Variants in TAMALIN observed in about 807,000 individuals in gnomAD.
The protein encoded by TAMALIN is protein TAMALIN.
Under a neutral mutation model 38.5 loss-of-function variants are expected in TAMALIN, and 9 were observed. The ratio of observed to expected loss-of-function variants is 0.23; its 90% CI spans 0.14 to 0.41. The LOEUF is 0.41. TAMALIN is among the 10% of genes least tolerant of loss of function. TAMALIN has a pLI of 1.00. For missense variants in TAMALIN, 548 were observed against 554.1 expected (o/e 0.99, Z 0.11); for synonymous variants, 306 against 256.5 (o/e 1.19, Z -1.85).
chr12:52,014,721 A>G lies in TAMALIN; in HGVS notation c.710A>G (p.Tyr237Cys). The G allele has an allele frequency of 6.6e-7, 1 of 1,518,194 alleles. No homozygotes were observed. Among genetic ancestry groups the G allele is most frequent in the East Asian group, 2.5e-5 (1 of 40,524 alleles). The allele number at this position is 1,518,194 out of a possible 1,614,324, so 94.0% of individuals were successfully genotyped here. Residue 237 changes from tyrosine (Y) to cysteine (C), a missense_variant, in exon 8 of 8, where the codon TAC (tyrosine) becomes TGC (cysteine). Tyr to Cys is a radical substitution (Grantham distance 194, BLOSUM62 -2). Transcript: ENST00000293662. ...HGLVVKDPSI[Y>C]DTLESVRSCL... The stretch of plus-strand genomic sequence containing the variant: ...CTGGTGGTGAAGGACCCCAGCATCT[A>G]CGACACGCTGGAGTCGGTGCGCTCC...
chr12:52,008,427 C>G lies in TAMALIN; in HGVS notation c.247-763C>G, dbSNP rs147967124. 8 of 985,234 alleles carry G rather than the reference C, an allele frequency of 8.1e-6. No individual in the cohort carries two copies. The East Asian group carries it at 6.8e-4, about 84-fold the overall frequency. 61.0% of individuals were successfully genotyped at this position (985,234 alleles called of 1,614,324 possible). On this transcript the variant is annotated intron_variant, in intron 1 of 7. Coordinates refer to ENST00000293662, the MANE Select transcript of TAMALIN (RefSeq NM_181711.4). Reference sequence around the variant, plus strand: ...TCCTCCACACCCCCCACCACCACCCCTAAAGAACTCCCAGTCTCGGTCCTT... The same window carrying G: ...TCCTCCACACCCCCCACCACCACCCGTAAAGAACTCCCAGTCTCGGTCCTT...
At chr12:52,008,147 C>T (rs1356893039) in intron 1 of TAMALIN, 3 of 985,334 alleles carry the variant, frequency 3.0e-6, no homozygotes, top group Non-Finnish European at 3.6e-6. Context: ...CCCAGTCCTT[C>T]CTCCCTGGCC....
Position 52,007,298 on chromosome 12 carries a change from A to T in TAMALIN, c.246+33A>T. The T allele has an allele frequency of 7.2e-7, 1 of 1,391,660 alleles. No individual in the cohort carries two copies. Among genetic ancestry groups the T allele is most frequent in the Middle Eastern group, 1.9e-4 (1 of 5,182 alleles). 86.2% of individuals were successfully genotyped at this position (1,391,660 alleles called of 1,614,324 possible). A position where few individuals can be genotyped will look rare whatever the true frequency, so the allele number is the denominator to read the frequency against. ...CCCCGCCCGCCTTCAGGATCTGCTC[A>T]GCCCCTCTCCGACTCCCTACAGGGC... On this transcript the variant is annotated intron_variant, in intron 1 of 7. Transcript: ENST00000293662. The surrounding 1 kb of genome is among the most constrained non-coding windows in gnomAD (Gnocchi z 6.7).
At chr12:52,009,728 G>A (rs765151361) in intron 2 of TAMALIN, among the ~76,000 whole-genome samples, 12 of 152,206 alleles carry the variant, frequency 7.9e-5, no homozygotes, top group Non-Finnish European at 1.3e-4. Context: ...GGATCTGAGC[G>A]TGGGCAGAAG....
intron 5 of TAMALIN, 26 bp downstream of exon 5, chr12:52,013,806 A>C (rs1937718689): frequency 6.2e-7 from 1 of 1,612,858 alleles, no homozygotes; most frequent in African/African-American, 1.3e-5. Context: ...GAGGTGCCTG[A>C]ATTCCTGAGC....
intron 1 of TAMALIN, chr12:52,008,459 G>C: frequency 1.0e-6 from 1 of 983,880 alleles, no homozygotes; most frequent in Non-Finnish European, 1.2e-6. Context: ...CCTTTAGTGA[G>C]ACTTGCTGAC....
intron 2 of TAMALIN, 39 bp downstream of exon 2, chr12:52,009,278 G>C (rs769685826): frequency 2.5e-6 from 4 of 1,603,054 alleles, no homozygotes; most frequent in Admixed American, 3.3e-5. Flanking sequence ...TGGTCCAAAG[G>C]GGTGAGGTGC....
Position 52,008,858 on chromosome 12 carries a change from C to T in TAMALIN, c.247-332C>T, listed in dbSNP as rs181850788. The T allele has an allele frequency of 8.1e-5, 52 of 641,816 alleles. No homozygotes were observed. The Admixed American group carries it at 2.3e-3, about 29-fold the overall frequency. 39.8% of individuals were successfully genotyped at this position (641,816 alleles called of 1,614,324 possible). On this transcript the variant is annotated intron_variant, in intron 1 of 7. Transcript: ENST00000293662. ...TGGCCTGAGCCTCTACAGACATGGG[C>T]CCTAGGGGTGGAGACCATTTTAGAA... is the stretch of plus-strand genomic sequence containing the variant.
chr12:52,012,544 G>T (rs1156987534), intron 4 of TAMALIN, among the ~76,000 whole-genome samples: 1 of 152,170 alleles, frequency 6.6e-6, no homozygotes, highest in Non-Finnish European at 1.5e-5. Flanking sequence ...GTGAGCCACG[G>T]CGCTCGGCCC....
intron 4 of TAMALIN, among the ~76,000 whole-genome samples, chr12:52,012,874 C>T (rs1168162889): frequency 6.6e-6 from 1 of 152,180 alleles, no homozygotes; most frequent in Non-Finnish European, 1.5e-5. Flanking sequence ...GCTTCTCTCC[C>T]ACCACCAGAG....
Position 52,014,971 on chromosome 12 carries a change from G to A in TAMALIN, c.960G>A (p.Pro320=), listed in dbSNP as rs1461424882. ...PGPAETPAVG[P]GPGPRAALSR... ...CCGCCGAGACCCCTGCCGTGGGGCC[G>A]GGCCCTGGGCCGCGGGCCGCGCTGA... Residue 320 remains proline (P), a synonymous_variant, in exon 8 of 8, where the codon CCG becomes CCA. Coordinates refer to ENST00000293662, the MANE Select transcript of TAMALIN (RefSeq NM_181711.4). The A allele has an allele frequency of 2.1e-6, 2 of 969,932 alleles. No homozygotes were observed. Among genetic ancestry groups the A allele is most frequent in the Non-Finnish European group, 2.4e-6 (2 of 817,088 alleles). The allele number at this position is 969,932 out of a possible 1,614,324, so 60.1% of individuals were successfully genotyped here. A position where few individuals can be genotyped will look rare whatever the true frequency, so the allele number is the denominator to read the frequency against.
Position 52,015,190 on chromosome 12 carries a change from C to T in TAMALIN, c.1179C>T (p.Ser393=). The T allele has an allele frequency of 1.3e-6, 2 of 1,589,572 alleles. No homozygotes were observed. The highest frequency in any genetic ancestry group is 1.7e-6 in the Non-Finnish European group (2 of 1,176,128). ...GLNRSLEEEE[S]QL is the part of the protein sequence containing the mutation. ...ACCGCTCCCTGGAGGAGGAGGAGAG[C>T]CAGCTGTAGGGGCGGGGGCGGGCAG... The change falls in exon 8 of 8, where the codon AGC becomes AGT. Residue 393 remains serine (S), a synonymous_variant. Transcript: ENST00000293662.
At position 52,015,305 on chromosome 12, in the gene TAMALIN, G is replaced by C. The variant is rs1937783719; in HGVS notation, c.*106G>C. On this transcript the variant is annotated 3_prime_UTR_variant, in exon 8 of 8. Coordinates refer to ENST00000293662, the MANE Select transcript of TAMALIN (RefSeq NM_181711.4). ...ACCCCAGGAGCCCAGAGCAGCGGGA[G>C]AGGGTCCTTCCTAGCCTCGGCCCGC... 2 of 1,331,484 alleles carry C rather than the reference G, an allele frequency of 1.5e-6. No homozygotes were observed. The highest frequency in any genetic ancestry group is 2.0e-6 in the Non-Finnish European group (2 of 1,017,066). 82.5% of individuals were successfully genotyped at this position (1,331,484 alleles called of 1,614,324 possible).
At position 52,015,133 on chromosome 12, in the gene TAMALIN, C is replaced by A. The variant is rs1376269599; in HGVS notation, c.1122C>A (p.Arg374=). ...GLRKTKYRSF[R]RRLLKFIPGL... ...GCAAAACCAAGTACCGCAGCTTCCGCCGGCGGCTGCTCAAGTTCATCCCCG... is the reference window on the plus strand; with the variant it reads ...GCAAAACCAAGTACCGCAGCTTCCGACGGCGGCTGCTCAAGTTCATCCCCG... Residue 374 remains arginine (R), a synonymous_variant, in exon 8 of 8, where the codon CGC becomes CGA. Coordinates refer to ENST00000293662, the MANE Select transcript of TAMALIN (RefSeq NM_181711.4). 4.4e-6 allele frequency: 7 copies of A among 1,591,576 alleles called. No individual in the cohort carries two copies. Among genetic ancestry groups the A allele is most frequent in the Non-Finnish European group, 5.9e-6 (7 of 1,177,138 alleles).
Position 52,015,172 on chromosome 12 carries a change from C to A in TAMALIN, c.1161C>A (p.Ser387=). ...LLKFIPGLNR[S]LEEEESQL ...AGTTCATCCCCGGACTCAACCGCTC[C>A]CTGGAGGAGGAGGAGAGCCAGCTGT... The change falls in exon 8 of 8, where the codon TCC becomes TCA. Residue 387 remains serine, a synonymous_variant. Coordinates refer to ENST00000293662, the MANE Select transcript of TAMALIN (RefSeq NM_181711.4). 8 of 1,593,308 alleles carry A rather than the reference C, an allele frequency of 5.0e-6. No homozygotes were observed. The highest frequency in any genetic ancestry group is 6.8e-6 in the Non-Finnish European group (8 of 1,177,810).
At position 52,014,167 on chromosome 12, in the gene TAMALIN, G is replaced by T. The variant is rs1592274095; in HGVS notation, c.648G>T (p.Arg216Ser). Residue 216 changes from arginine to serine, a missense_variant, in exon 7 of 8, where the codon AGG becomes AGT. Physicochemically the swap from Arg to Ser is moderately radical, Grantham distance 110 (BLOSUM62 -1). This residue lies in a region of TAMALIN where 415 missense variants were observed against 417.0 expected (regional missense o/e 1.00). Transcript: ENST00000293662. ...QTLYEKWGEY[R>S]SLMVQEQRLV... ...TGTATGAGAAGTGGGGAGAGTACAGGTCCCTAATGGTGCAGGAGCAGCGGC... is the reference window on the plus strand; with the variant it reads ...TGTATGAGAAGTGGGGAGAGTACAGTTCCCTAATGGTGCAGGAGCAGCGGC... The T allele has an allele frequency of 6.2e-7, 1 of 1,604,250 alleles. No homozygotes were observed.
chr12:52,014,001 GTGGGGGGTCAC>G, intron 6 of TAMALIN, 58 bp downstream of exon 6: 1 of 1,584,424 alleles, frequency 6.3e-7, no homozygotes, highest in Non-Finnish European at 8.7e-7. Flanking sequence ...CCTCTGCCCT[GTGGGGGGTCAC>G]TTACAGCTGA....
Position 52,014,958 on chromosome 12 carries a change from C to T in TAMALIN, c.947C>T (p.Pro316Leu), listed in dbSNP as rs1378064141. The change falls in exon 8 of 8, where the codon CCT becomes CTT. Residue 316 changes from proline (P) to leucine (L), a missense_variant. By Grantham distance (98) the Pro-to-Leu change is moderately conservative. Coordinates refer to ENST00000293662, the MANE Select transcript of TAMALIN (RefSeq NM_181711.4). ...TTCGGCCCGGGCCCCGCCGAGACCC[C>T]TGCCGTGGGGCCGGGCCCTGGGCCG... Reference protein sequence around the residue: ...RAFGPGPAETPAVGPGPGPRA... With the variant: ...RAFGPGPAETLAVGPGPGPRA... 2.0e-6 allele frequency: 2 copies of T among 979,424 alleles called. No individual in the cohort carries two copies. Among genetic ancestry groups the T allele is most frequent in the African/African-American group, 1.8e-5 (1 of 56,496 alleles). The allele number at this position is 979,424 out of a possible 1,614,324, so 60.7% of individuals were successfully genotyped here.
Position 52,015,364 on chromosome 12 carries a change from G to T in TAMALIN, c.*165G>T, listed in dbSNP as rs953503956. On this transcript the variant is annotated 3_prime_UTR_variant, in exon 8 of 8. Coordinates refer to ENST00000293662, the MANE Select transcript of TAMALIN (RefSeq NM_181711.4). ...TTCCTGGCTGGTGTCTGCTGAGGGA[G>T]TGGGGGGCCCAGCCCCTTCTCTTCT... is the stretch of plus-strand genomic sequence containing the variant. 3 of 820,828 alleles carry T rather than the reference G, an allele frequency of 3.7e-6. No individual in the cohort carries two copies. Among genetic ancestry groups the T allele is most frequent in the South Asian group, 1.9e-5 (1 of 52,890 alleles). 50.8% of individuals were successfully genotyped at this position (820,828 alleles called of 1,614,324 possible). A position where few individuals can be genotyped will look rare whatever the true frequency, so the allele number is the denominator to read the frequency against.
Sources: allele counts gnomAD v4.1 joint callset (sites outside exome capture counted in the v4.1 genomes callset), GRCh38; gene constraint gnomAD v4.1.1; regional missense constraint gnomAD v4.1.1; non-coding constraint Gnocchi (gnomAD v3.1); transcripts MANE v1.5; gene names NCBI Gene and HGNC (gene_info 2026-07-23, HGNC 2026-07-21).